ATP10B: variants seen among roughly 807,000 people sequenced by gnomAD.
ATP10B encodes the protein phospholipid-transporting ATPase VB.
A neutral mutation model predicts 141.2 loss-of-function variants in ATP10B; 122 were observed. The ratio of observed to expected loss-of-function variants is 0.86; its 90% CI spans 0.75 to 1.00. The LOEUF (loss-of-function observed/expected upper bound fraction) is 1.00. Among genes scored for constraint, ATP10B ranks in the 50% least tolerant of loss-of-function variants. The pLI, the probability that ATP10B is intolerant of heterozygous loss-of-function variation, is 0.00. For missense variants in ATP10B, 1,876 were observed against 1,825.3 expected (o/e 1.03, Z -0.51); for synonymous variants, 685 against 692.0 (o/e 0.99, Z 0.16).
chr5:160,616,632 C>T (rs141020802), intron 16 of ATP10B, among the ~76,000 whole-genome samples: 1 of 152,252 alleles, frequency 6.6e-6, no homozygotes, highest in East Asian at 1.9e-4. Flanking sequence ...CCTCAGAGTC[C>T]CATTTTAGAC....
chr5:160,882,642 G>A, the ATP10B span, among the ~76,000 whole-genome samples: 1 of 151,848 alleles, frequency 6.6e-6, no homozygotes, highest in Non-Finnish European at 1.5e-5. Context: ...CTGAAAACAA[G>A]AAGTCTTATT....
intron 15 of ATP10B, 41 bp from the exon 16 acceptor site, chr5:160,618,014 T>C: frequency 1.4e-6 from 2 of 1,476,782 alleles, no homozygotes; most frequent in African/African-American, 1.4e-5. Context: ...CACATACAAA[T>C]GCTCAGGGAT....
intron 2 of ATP10B, among the ~76,000 whole-genome samples, chr5:160,750,475 A>C (rs955988489): frequency 6.6e-6 from 1 of 152,106 alleles, no homozygotes; most frequent in Non-Finnish European, 1.5e-5. Context: ...ACCCATAATA[A>C]CTATTGTTGG....
intron 1 of ATP10B, among the ~76,000 whole-genome samples, chr5:160,830,797 A>C (rs1775017413): frequency 6.6e-6 from 1 of 152,110 alleles, no homozygotes; most frequent in Non-Finnish European, 1.5e-5. Context: ...TAGAAGGATC[A>C]CTGACAAGTG....
the ATP10B span, among the ~76,000 whole-genome samples, chr5:160,915,942 C>T: frequency 1.3e-5 from 2 of 152,182 alleles, no homozygotes; most frequent in Non-Finnish European, 2.9e-5. Flanking sequence ...AATCACACAG[C>T]ACTGAATTAT....
intron 7 of ATP10B, among the ~76,000 whole-genome samples, chr5:160,664,003 A>C (rs1015630780): frequency 1.3e-5 from 2 of 152,232 alleles, no homozygotes; most frequent in Non-Finnish European, 2.9e-5. Context: ...CCTATGGCAC[A>C]TAGGTGTTTA....
chr5:160,623,573 G>A (rs1758466174), intron 13 of ATP10B, among the ~76,000 whole-genome samples: 1 of 152,084 alleles, frequency 6.6e-6, no homozygotes, highest in African/African-American at 2.4e-5. Context: ...GAAAAAAGAG[G>A]ACGGGCTGGA....
intron 2 of ATP10B, among the ~76,000 whole-genome samples, chr5:160,780,868 G>A (rs79309694): frequency 0.012 from 1,881 of 152,220 alleles, 25 homozygotes; most frequent in Non-Finnish European, 0.022. Flanking sequence ...TAAATTCAAT[G>A]CATAAAAGTA....
chr5:160,660,446 T>C (rs1164095750), intron 7 of ATP10B, among the ~76,000 whole-genome samples: 2 of 152,178 alleles, frequency 1.3e-5, no homozygotes, highest in Admixed American at 6.5e-5. Flanking sequence ...TGAGTTCATA[T>C]TGATGCTAAA....
chr5:160,655,248 G>C (rs1056294786), intron 7 of ATP10B, among the ~76,000 whole-genome samples: 2 of 152,142 alleles, frequency 1.3e-5, no homozygotes, highest in African/African-American at 4.8e-5. Flanking sequence ...AATTGGCCTA[G>C]AAGACATTTT....
At chr5:160,687,739 TG>T in intron 5 of ATP10B, 60 bp downstream of exon 5, 1 of 1,550,406 alleles carries the variant, frequency 6.4e-7, no homozygotes. Flanking sequence ...TACTCCAGCC[TG>T]GGGAACAGAA....
At chr5:160,680,452 G>T (rs1763311249) in intron 6 of ATP10B, among the ~76,000 whole-genome samples, 1 of 152,122 alleles carries the variant, frequency 6.6e-6, no homozygotes, top group African/African-American at 2.4e-5. Flanking sequence ...TTCCTCTGTT[G>T]GGGTCTTTCA....
chr5:160,640,412 C>T (rs1403390442), intron 10 of ATP10B, 49 bp downstream of exon 10: 1 of 1,585,090 alleles, frequency 6.3e-7, no homozygotes, highest in Non-Finnish European at 8.6e-7. Context: ...AGAAACTTGC[C>T]CAAATAAATC....
At chr5:160,705,337 T>C (rs1338782200) in intron 3 of ATP10B, among the ~76,000 whole-genome samples, 2 of 152,108 alleles carry the variant, frequency 1.3e-5, no homozygotes, top group African/African-American at 4.8e-5. Context: ...TCCTCCTACC[T>C]CAGCCTCCCA....
At chr5:160,776,492 G>A (rs1307538949) in intron 2 of ATP10B, among the ~76,000 whole-genome samples, 2 of 152,208 alleles carry the variant, frequency 1.3e-5, no homozygotes, top group African/African-American at 2.4e-5. Context: ...TGAGGTAGGT[G>A]CAATTACTGC....
chr5:160,649,667 G>T (rs1280541447), intron 7 of ATP10B, among the ~76,000 whole-genome samples: 9 of 152,146 alleles, frequency 5.9e-5, no homozygotes, highest in Non-Finnish European at 1.3e-4. Flanking sequence ...AATTTAATTT[G>T]ATTTTAATTA....
At chr5:160,635,112 A>T (rs1258748755) in intron 11 of ATP10B, among the ~76,000 whole-genome samples, 1 of 150,042 alleles carries the variant, frequency 6.7e-6, no homozygotes, top group Non-Finnish European at 1.5e-5. Context: ...AAATAAATAT[A>T]TATGAGTGGT....
chr5:160,661,868 G>T (rs1454261973), intron 7 of ATP10B, among the ~76,000 whole-genome samples: 1 of 152,186 alleles, frequency 6.6e-6, no homozygotes. Flanking sequence ...GTCCCTGTTT[G>T]CAGGTGACAT....
At chr5:160,829,868 T>A (rs1173266767) in intron 1 of ATP10B, among the ~76,000 whole-genome samples, 1 of 152,162 alleles carries the variant, frequency 6.6e-6, no homozygotes, top group Non-Finnish European at 1.5e-5. Context: ...TCCTTAGGGT[T>A]TTCTAAGTAT....
Sources: allele counts gnomAD v4.1 joint callset (sites outside exome capture counted in the v4.1 genomes callset), GRCh38; gene constraint gnomAD v4.1.1; transcripts MANE v1.5; gene names NCBI Gene and HGNC (gene_info 2026-07-23, HGNC 2026-07-21).